The following PPP2R2D variants were observed in gnomAD, a reference collection of about 807,000 sequenced individuals.
PPP2R2D encodes protein phosphatase 2 regulatory subunit Bdelta.
A neutral mutation model predicts 31.1 loss-of-function variants in PPP2R2D; 9 were observed. The observed-to-expected ratio is 0.29, with a 90% confidence interval of 0.17 to 0.51. PPP2R2D has a LOEUF of 0.51. Among genes scored for constraint, PPP2R2D ranks in the 20% least tolerant of loss-of-function variants. PPP2R2D has a pLI of 0.98. For synonymous variants in PPP2R2D, 179 were observed against 172.6 expected (o/e 1.04, Z -0.29); for missense variants, 391 against 465.6 (o/e 0.84, Z 1.48).
intron 3 of PPP2R2D, 80 bp from the exon 4 acceptor site, chr10:131,939,951 T>C: frequency 2.1e-6 from 1 of 470,530 alleles, no homozygotes; most frequent in Non-Finnish European, 3.9e-6. Flanking sequence ...GTATGGTCAT[T>C]TGATATTCAA....
At chr10:131,916,153 G>A (rs1426814989) in intron 2 of PPP2R2D, among the ~76,000 whole-genome samples, 6 of 152,110 alleles carry the variant, frequency 3.9e-5, no homozygotes, top group Admixed American at 1.3e-4. Flanking sequence ...CTCTGGCCAC[G>A]CGCCCTGATA....
At chr10:131,940,935 C>T (rs1207238580) in intron 5 of PPP2R2D, 13 of 392,028 alleles carry the variant, frequency 3.3e-5, no homozygotes, top group Non-Finnish European at 5.9e-5. Context: ...AAGGGGAAAA[C>T]TCATATTTAA....
chr10:131,901,653 C>T (rs2035499122), intron 2 of PPP2R2D, among the ~76,000 whole-genome samples: 1 of 152,152 alleles, frequency 6.6e-6, no homozygotes, highest in African/African-American at 2.4e-5. Context: ...CCGGGGCTGC[C>T]TCCTGCCTGG....
At chr10:131,912,988 TAAAA>T (rs1312073586) in intron 2 of PPP2R2D, among the ~76,000 whole-genome samples, 3 of 152,290 alleles carry the variant, frequency 2.0e-5, no homozygotes, top group Non-Finnish European at 2.9e-5. Flanking sequence ...CTGCTGAACT[TAAAA>T]AAGTCAGTCT....
intron 8 of PPP2R2D, among the ~76,000 whole-genome samples, chr10:131,954,091 C>G (rs1554899543): frequency 6.6e-6 from 1 of 152,214 alleles, no homozygotes; most frequent in South Asian, 2.1e-4. Context: ...CAGTTATGTG[C>G]TTACGCCTGT....
intron 8 of PPP2R2D, among the ~76,000 whole-genome samples, 188 bp from the exon 9 acceptor site, chr10:131,955,496 G>A (rs1485046744): frequency 6.6e-6 from 1 of 152,158 alleles, no homozygotes; most frequent in African/African-American, 2.4e-5. Flanking sequence ...CATGATTATA[G>A]ATAAAGCTCG....
At position 131,947,731 on chromosome 10, in the gene PPP2R2D, C is replaced by G; in HGVS notation, c.1022C>G (p.Ser341Cys). 6.2e-7 allele frequency: 1 copy of G among 1,614,194 alleles called. No homozygotes were observed. Among genetic ancestry groups the G allele is most frequent in the South Asian group, 1.1e-5 (1 of 91,082 alleles). Reference sequence around the variant, plus strand: ...GAGTACCTGCGCAGCAAGCTCTGCTCTCTCTATGAGAACGACTGCATCTTT... The same window carrying G: ...GAGTACCTGCGCAGCAAGCTCTGCTGTCTCTATGAGAACGACTGCATCTTT... ...VHEYLRSKLCSLYENDCIFDK... is the reference protein window; with the variant it reads ...VHEYLRSKLCCLYENDCIFDK... The change falls in exon 8 of 9, where the codon TCT (serine) becomes TGT (cysteine). Residue 341 changes from serine to cysteine, a missense_variant. This residue lies in a region of PPP2R2D where 163 missense variants were observed against 179.5 expected (regional missense o/e 0.91). Coordinates refer to ENST00000455566, the MANE Select transcript of PPP2R2D (RefSeq NM_018461.5). The surrounding 1 kb of genome is among the most constrained non-coding windows in gnomAD (Gnocchi z 4.3).
At chr10:131,970,487 A>G in the PPP2R2D span, 7 of 1,173,896 alleles carry the variant, frequency 6.0e-6, no homozygotes, top group Non-Finnish European at 8.2e-6. This position sits in a 1 kb window ranked among gnomAD's most constrained non-coding sequence, Gnocchi z 4.1. Flanking sequence ...TGGTTTCTGG[A>G]CCTGAACAGT....
chr10:131,925,108 A>G (rs1054621943), intron 2 of PPP2R2D, among the ~76,000 whole-genome samples: 5 of 152,216 alleles, frequency 3.3e-5, no homozygotes, highest in Admixed American at 2.6e-4. Flanking sequence ...GAATAGAGAT[A>G]TGTTACTCCT....
intron 2 of PPP2R2D, among the ~76,000 whole-genome samples, chr10:131,919,941 C>G (rs1589933355): frequency 7.1e-6 from 1 of 141,268 alleles, no homozygotes; most frequent in African/African-American, 2.7e-5. Flanking sequence ...TTTGTAGGGA[C>G]CTCACACGGG....
chr10:131,927,764 C>G (rs1429761536), intron 2 of PPP2R2D, among the ~76,000 whole-genome samples: 1 of 152,186 alleles, frequency 6.6e-6, no homozygotes, highest in African/African-American at 2.4e-5. Flanking sequence ...CTGTAACTAA[C>G]CTGGGGTGTT....
the PPP2R2D span, chr10:131,968,780 T>A: frequency 2.1e-6 from 1 of 465,160 alleles, no homozygotes; most frequent in Non-Finnish European, 3.9e-6. Context: ...TTAGAAAACA[T>A]CAGATCGTAT....
In PPP2R2D at chr10:131,947,921, T is replaced by C. The variant is rs2036572082; in HGVS notation, c.1082+130T>C. ...TCATAGGGTGTTGTTTTCCAGACCT[T>C]TTGATTGATGGATGATAGTATCAAG... On this transcript the variant is annotated intron_variant, in intron 8 of 8. Transcript: ENST00000455566. The surrounding 1 kb of genome is among the most constrained non-coding windows in gnomAD (Gnocchi z 4.3). 2 of 1,126,566 alleles carry C rather than the reference T, an allele frequency of 1.8e-6. No individual in the cohort carries two copies. The highest frequency in any genetic ancestry group is 3.1e-5 in the African/African-American group (2 of 64,460). 69.8% of individuals were successfully genotyped at this position (1,126,566 alleles called of 1,614,324 possible).
At chr10:131,948,925 G>C (rs1237059388) in intron 8 of PPP2R2D, among the ~76,000 whole-genome samples, 1 of 152,206 alleles carries the variant, frequency 6.6e-6, no homozygotes, top group Non-Finnish European at 1.5e-5. Flanking sequence ...CATGGGGGTG[G>C]CCAGCACTGC....
chr10:131,965,245 TGTGGC>T, the PPP2R2D span, among the ~76,000 whole-genome samples: 1 of 152,088 alleles, frequency 6.6e-6, no homozygotes, highest in African/African-American at 2.4e-5. Flanking sequence ...TACTGAGCAA[TGTGGC>T]TTCTTCCCAG....
At chr10:131,913,184 ATT>A (rs36188479) in intron 2 of PPP2R2D, among the ~76,000 whole-genome samples, 51 of 134,766 alleles carry the variant, frequency 3.8e-4, no homozygotes, top group Admixed American at 6.7e-4. Flanking sequence ...TGCCCGGCTA[ATT>A]TTTTTTTTTT....
intron 2 of PPP2R2D, among the ~76,000 whole-genome samples, chr10:131,910,613 G>A (rs1197148258): frequency 6.6e-6 from 1 of 152,174 alleles, no homozygotes; most frequent in Non-Finnish European, 1.5e-5. Flanking sequence ...TGAAAAAAAG[G>A]GCTAGTTCAG....
intron 3 of PPP2R2D, chr10:131,935,131 G>A (rs1287232836): frequency 8.4e-6 from 3 of 356,128 alleles, no homozygotes; most frequent in Non-Finnish European, 1.1e-5. Flanking sequence ...TCCCGGTCAC[G>A]GCACTGCCTT....
At chr10:131,934,279 T>C (rs1554896121) in intron 2 of PPP2R2D, among the ~76,000 whole-genome samples, 179 bp from the exon 3 acceptor site, 1 of 152,214 alleles carries the variant, frequency 6.6e-6, no homozygotes, top group Non-Finnish European at 1.5e-5. Flanking sequence ...GCAGGTTCTC[T>C]GCACCAGAAC....
Sources: allele counts gnomAD v4.1 joint callset (sites outside exome capture counted in the v4.1 genomes callset), GRCh38; gene constraint gnomAD v4.1.1; regional missense constraint gnomAD v4.1.1; non-coding constraint Gnocchi (gnomAD v3.1); transcripts MANE v1.5; gene names NCBI Gene and HGNC (gene_info 2026-07-23, HGNC 2026-07-21).